The following ZFPM1 variants were observed in gnomAD, a reference collection of about 807,000 sequenced individuals.
The protein encoded by ZFPM1 is zinc finger protein, FOG family member 1.
Under a neutral mutation model 46.3 loss-of-function variants are expected in ZFPM1, and 28 were observed. The ratio of observed to expected loss-of-function variants is 0.60; its 90% CI spans 0.45 to 0.83. ZFPM1 has a LOEUF of 0.83. ZFPM1 is among the 40% of genes least tolerant of loss of function. The pLI is 0.00. For missense variants in ZFPM1, 1,878 were observed against 1,432.4 expected, an observed-to-expected ratio of 1.31 and a Z score of -5.02; for synonymous variants, 957 against 675.9, an observed-to-expected ratio of 1.42 and a Z score of -6.45.
chr16:88,534,970 C>G lies in ZFPM1; in HGVS notation c.3012C>G (p.His1004Gln). The G allele has an allele frequency of 6.9e-7, 1 of 1,449,780 alleles. No individual in the cohort carries two copies. The highest frequency in any genetic ancestry group is 1.4e-5 in the African/African-American group (1 of 69,232). 89.8% of individuals were successfully genotyped at this position (1,449,780 alleles called of 1,614,324 possible). The change falls in exon 10 of 10, where the codon CAC (histidine) becomes CAG (glutamine). Residue 1004 changes from histidine (H) to glutamine (Q), a missense_variant. By Grantham distance (24) the His-to-Gln change is conservative. Transcript: ENST00000319555. ...KYYCSSHAAE[H>Q]VK ...ACTGCTCCTCGCACGCCGCCGAGCACGTGAAGTGAGCGCCCACACTACAGC... is the reference window on the plus strand; with the variant it reads ...ACTGCTCCTCGCACGCCGCCGAGCAGGTGAAGTGAGCGCCCACACTACAGC...
At position 88,497,246 on chromosome 16, in the gene ZFPM1, G is replaced by A. The variant is rs1189271699; in HGVS notation, c.268+8093G>A. Among the ~76,000 whole-genome samples the A allele has an allele frequency of 1.3e-5, 2 of 151,368 alleles. No individual in the cohort carries two copies. The highest frequency in any genetic ancestry group is 2.9e-5 in the Non-Finnish European group (2 of 67,926). ...GCTGGGTGTGAGAGATGGGAGGGGC[G>A]GCAGGTGGACGGCCCCAGCCCCAGC... On this transcript the variant is annotated intron_variant, in intron 3 of 9. Coordinates refer to ENST00000319555, the MANE Select transcript of ZFPM1 (RefSeq NM_153813.3). This position sits in a 1 kb window ranked among gnomAD's most constrained non-coding sequence, Gnocchi z 5.4.
At chr16:88,493,081 G>GGAGAGCTGTCCCGGGGTGCA (rs1909682691) in intron 3 of ZFPM1, among the ~76,000 whole-genome samples, 1 of 145,048 alleles carries the variant, frequency 6.9e-6, no homozygotes. Context: ...CCCGGGGTGC[G>GGAGAGCTGTCCCGGGGTGCA]GGGAGCTGTC....
rs1180383675 is a variant in ZFPM1, at chr16:88,534,233, C to T, written c.2275C>T (p.Pro759Ser). 1.0e-5 allele frequency: 10 copies of T among 988,466 alleles called. No homozygotes were observed. In the South Asian group the frequency reaches 4.5e-4, roughly 45 times the overall value. 61.2% of individuals were successfully genotyped at this position (988,466 alleles called of 1,614,324 possible). Residue 759 changes from proline to serine, a missense_variant, in exon 10 of 10, where the codon CCG becomes TCG. By Grantham distance (74) the Pro-to-Ser change is moderately conservative. Coordinates refer to ENST00000319555, the MANE Select transcript of ZFPM1 (RefSeq NM_153813.3). ...CGCGGCCGGCGCCCCGCCCCCCCCGCCGCCCGGCCACGCCCCCGCGCCCGA... is the reference window on the plus strand; with the variant it reads ...CGCGGCCGGCGCCCCGCCCCCCCCGTCGCCCGGCCACGCCCCCGCGCCCGA... ...LHAAGAPPPP[P>S]PGHAPAPESP...
intron 4 of ZFPM1, among the ~76,000 whole-genome samples, chr16:88,525,115 C>A (rs1039178676): frequency 6.6e-6 from 1 of 152,260 alleles, no homozygotes; most frequent in Non-Finnish European, 1.5e-5. Flanking sequence ...TCCTGAGTGC[C>A]CTGCGGATGG....
intron 3 of ZFPM1, among the ~76,000 whole-genome samples, chr16:88,500,494 C>T (rs568086866): frequency 8.5e-5 from 13 of 152,392 alleles, no homozygotes; most frequent in African/African-American, 3.1e-4. Context: ...GTCACTAGCA[C>T]AGAAACAGCG....
Position 88,489,219 on chromosome 16 carries a change from C to G in ZFPM1, c.268+66C>G, listed in dbSNP as rs574324008. 1.6e-4 allele frequency: 248 copies of G among 1,520,122 alleles called. 1 individual carries two copies. The African/African-American group carries it at 2.9e-3, about 18-fold the overall frequency. 94.2% of individuals were successfully genotyped at this position (1,520,122 alleles called of 1,614,324 possible). ...GGCAGCCTGGCCCGGCCCCTGGGAG[C>G]AGGGCGACGTGGGTGCTGGGGCAGG... On this transcript the variant is annotated intron_variant, in intron 3 of 9. Transcript: ENST00000319555.
At chr16:88,518,192 G>A (rs1160706367) in intron 4 of ZFPM1, among the ~76,000 whole-genome samples, 3 of 151,388 alleles carry the variant, frequency 2.0e-5, no homozygotes, top group East Asian at 3.9e-4. Context: ...GCGACAGAGC[G>A]AGACTCCGTC....
chr16:88,479,659 G>A lies in ZFPM1; in HGVS notation c.41-6280G>A, dbSNP rs1010465466. ...GGGCCTTATCTGGCCGCTGTGTGCC[G>A]CCAGAGGCCAGGTTCTCCCTCCTGG... On this transcript the variant is annotated intron_variant, in intron 1 of 9. Transcript: ENST00000319555. Among the ~76,000 whole-genome samples, 8 of 152,008 alleles carry A rather than the reference G, an allele frequency of 5.3e-5. No individual in the cohort carries two copies. The East Asian group carries it at 1.4e-3, about 26-fold the overall frequency.
intron 1 of ZFPM1, among the ~76,000 whole-genome samples, chr16:88,458,692 G>GT (rs1907666308): frequency 6.6e-6 from 1 of 152,154 alleles, no homozygotes; most frequent in Admixed American, 6.5e-5. Context: ...GGGCCCTGGT[G>GT]GGGCTCCTGC....
At chr16:88,504,793 A>T (rs56801166) in intron 3 of ZFPM1, among the ~76,000 whole-genome samples, 1 of 151,988 alleles carries the variant, frequency 6.6e-6, no homozygotes, top group South Asian at 2.1e-4. Context: ...AGCTGTCCTC[A>T]AGGCCTCTGA....
intron 1 of ZFPM1, among the ~76,000 whole-genome samples, chr16:88,475,765 T>C (rs1908654386): frequency 6.6e-6 from 1 of 152,160 alleles, no homozygotes; most frequent in Non-Finnish European, 1.5e-5. Flanking sequence ...GTTCCTCTGC[T>C]TAGGGAGGGG....
chr16:88,459,686 TC>T (rs1907720771), intron 1 of ZFPM1, among the ~76,000 whole-genome samples: 1 of 73,476 alleles, frequency 1.4e-5, no homozygotes, highest in Non-Finnish European at 2.6e-5. Context: ...GCCTTCCTCC[TC>T]CCCCTCCTCC....
intron 3 of ZFPM1, among the ~76,000 whole-genome samples, chr16:88,509,563 A>T (rs1389651716): frequency 6.6e-6 from 1 of 152,248 alleles, no homozygotes; most frequent in East Asian, 1.9e-4. Context: ...TGCCTCCTCA[A>T]GTCAGAGCTG....
At chr16:88,531,977 A>T in intron 6 of ZFPM1, 25 bp from the exon 7 acceptor site, 1 of 1,572,980 alleles carries the variant, frequency 6.4e-7, no homozygotes, top group Non-Finnish European at 8.7e-7. Flanking sequence ...CTTCAGCCTG[A>T]CCCCGCCTGC....
upstream of ZFPM1, among the ~76,000 whole-genome samples, chr16:88,452,142 G>A (rs1334451276): frequency 6.6e-6 from 1 of 152,202 alleles, no homozygotes; most frequent in Non-Finnish European, 1.5e-5. Flanking sequence ...GGGGGATGGG[G>A]GAGCAGGTAG....
In ZFPM1 at chr16:88,457,403, G is replaced by A. The variant is rs187092627; in HGVS notation, c.40+3725G>A. The stretch of plus-strand genomic sequence containing the variant: ...GCTGAACCACAGGGGACAAGTTACT[G>A]TGCTTTCCACAGCTCTCAGTTTCCC... On this transcript the variant is annotated intron_variant, in intron 1 of 9. Coordinates refer to ENST00000319555, the MANE Select transcript of ZFPM1 (RefSeq NM_153813.3). Among the ~76,000 whole-genome samples the A allele has an allele frequency of 2.4e-3, 373 of 152,370 alleles. 1 individual carries two copies. Among genetic ancestry groups the A allele is most frequent in the Non-Finnish European group, 4.2e-3 (286 of 68,040 alleles).
intron 1 of ZFPM1, among the ~76,000 whole-genome samples, chr16:88,474,624 C>G (rs1908590135): frequency 6.6e-6 from 1 of 152,308 alleles, no homozygotes; most frequent in African/African-American, 2.4e-5. Context: ...CGGAGCTCTT[C>G]TCAGTCACAG....
Position 88,508,835 on chromosome 16 carries a change from C to T in ZFPM1, c.269-5552C>T, listed in dbSNP as rs550341641. ...CCCCAGGAGGGTCTGACTTTGGAGC[C>T]GGTGACCTTGGGCAGGTCACCTCAC... On this transcript the variant is annotated intron_variant, in intron 3 of 9. Transcript: ENST00000319555. Among the ~76,000 whole-genome samples, 353 of 152,338 alleles carry T rather than the reference C, an allele frequency of 2.3e-3. 1 individual carries two copies. Among genetic ancestry groups the T allele is most frequent in the Non-Finnish European group, 3.4e-3 (233 of 68,018 alleles).
intron 6 of ZFPM1, among the ~76,000 whole-genome samples, chr16:88,529,830 C>A (rs975521379): frequency 6.6e-6 from 1 of 152,154 alleles, no homozygotes. Flanking sequence ...GGCCAGCTGG[C>A]CAGAGGGGGA....
Sources: gnomAD v4.1 joint callset for allele counts (sites outside exome capture counted in the v4.1 genomes callset) on GRCh38, gnomAD v4.1.1 for gene constraint, Gnocchi (gnomAD v3.1) non-coding constraint, MANE v1.5 for transcripts, NCBI Gene and HGNC (gene_info 2026-07-23, HGNC 2026-07-21) for gene names.